TMEM74: variants seen among roughly 807,000 people sequenced by gnomAD.
TMEM74 encodes the protein transmembrane protein 74.
TMEM74 carries 13 observed loss-of-function variants against 18.1 expected under a neutral mutation model. The ratio of observed to expected loss-of-function variants is 0.72; its 90% CI spans 0.47 to 1.14. The LOEUF is 1.14. TMEM74 is among the 50% of genes most tolerant of loss of function. The pLI, the probability that TMEM74 is intolerant of heterozygous loss-of-function variation, is 0.00. For synonymous variants in TMEM74, 159 were observed against 146.6 expected (o/e 1.08, Z -0.61); for missense variants, 372 against 375.9 (o/e 0.99, Z 0.09).
intron 1 of TMEM74, among the ~76,000 whole-genome samples, chr8:108,754,709 A>G (rs1373557139): frequency 6.6e-6 from 1 of 151,832 alleles, no homozygotes; most frequent in Non-Finnish European, 1.5e-5. Context: ...ACAGAGATTT[A>G]TTATGAGAAA....
chr8:108,657,859 A>AAAAAAAAAAATATAT (rs1554630268), intron 1 of TMEM74, among the ~76,000 whole-genome samples: 1 of 49,878 alleles, frequency 2.0e-5, no homozygotes, highest in African/African-American at 8.1e-5. Flanking sequence ...AAAAAAAAAA[A>AAAAAAAAAAATATAT]ATATATATAT....
intron 1 of TMEM74, among the ~76,000 whole-genome samples, chr8:108,773,721 A>G (rs1044841943): frequency 1.3e-4 from 20 of 152,172 alleles, no homozygotes; most frequent in African/African-American, 2.2e-4. Context: ...AGGTCCAAGT[A>G]GTAAGGAATC....
At chr8:108,648,418 C>A (rs563438345) in intron 2 of TMEM74, among the ~76,000 whole-genome samples, 1 of 152,208 alleles carries the variant, frequency 6.6e-6, no homozygotes, top group African/African-American at 2.4e-5. Flanking sequence ...GCTGTCTGTG[C>A]GAGGCAAAAT....
At chr8:108,687,209 T>C (rs974610444) in intron 1 of TMEM74, among the ~76,000 whole-genome samples, 7 of 152,050 alleles carry the variant, frequency 4.6e-5, no homozygotes, top group African/African-American at 7.2e-5. Context: ...AGAGATTATT[T>C]TGACAATGTG....
intron 2 of TMEM74, among the ~76,000 whole-genome samples, chr8:108,636,924 T>G (rs1393835739): frequency 6.6e-6 from 1 of 152,092 alleles, no homozygotes; most frequent in Non-Finnish European, 1.5e-5. Flanking sequence ...AGCTACTATG[T>G]GTTGACCATG....
intron 1 of TMEM74, among the ~76,000 whole-genome samples, chr8:108,758,920 AC>A (rs1177656308): frequency 1.3e-5 from 2 of 152,056 alleles, no homozygotes; most frequent in Non-Finnish European, 2.9e-5. Context: ...CAGGAATAAA[AC>A]GTGATTTTTA....
chr8:108,776,108 C>A (rs1401580022), downstream of TMEM74, among the ~76,000 whole-genome samples: 3 of 152,204 alleles, frequency 2.0e-5, no homozygotes, highest in African/African-American at 7.2e-5. Flanking sequence ...TTGATAGAAT[C>A]TTTTAAGTTT....
intron 2 of TMEM74, among the ~76,000 whole-genome samples, chr8:108,609,366 G>T (rs1812311332): frequency 6.6e-6 from 1 of 152,166 alleles, no homozygotes; most frequent in African/African-American, 2.4e-5. Flanking sequence ...AAATATTCAG[G>T]GCTGGGTGTG....
intron 1 of TMEM74, among the ~76,000 whole-genome samples, chr8:108,725,985 C>T (rs1024780477): frequency 3.3e-5 from 5 of 151,870 alleles, no homozygotes; most frequent in African/African-American, 1.2e-4. Flanking sequence ...TTTTGTATAC[C>T]ATGTGAGAAC....
At chr8:108,732,090 C>T (rs1813701142) in intron 1 of TMEM74, among the ~76,000 whole-genome samples, 1 of 152,094 alleles carries the variant, frequency 6.6e-6, no homozygotes, top group Non-Finnish European at 1.5e-5. Flanking sequence ...TAAGACACAC[C>T]AATACTTCCT....
At chr8:108,699,848 T>C (rs1049026014) in intron 1 of TMEM74, among the ~76,000 whole-genome samples, 1 of 152,202 alleles carries the variant, frequency 6.6e-6, no homozygotes, top group Non-Finnish European at 1.5e-5. Context: ...TCTATATAGC[T>C]TATTAATTGA....
At chr8:108,758,891 A>G (rs1218281566) in intron 1 of TMEM74, among the ~76,000 whole-genome samples, 4 of 152,060 alleles carry the variant, frequency 2.6e-5, no homozygotes. Context: ...TCAAAGCTAT[A>G]TAGATAAAGG....
At chr8:108,614,528 G>A (rs1184581354) in intron 2 of TMEM74, among the ~76,000 whole-genome samples, 3 of 152,142 alleles carry the variant, frequency 2.0e-5, no homozygotes, top group South Asian at 2.1e-4. Context: ...TAGAATATTC[G>A]ACTGTGAAAA....
chr8:108,628,212 C>A lies in TMEM74; in HGVS notation n.265-19386G>T, dbSNP rs762004309. On this transcript the variant is annotated intron_variant and non_coding_transcript_variant, in intron 2 of 3. Coordinates refer to the TMEM74 transcript ENST00000518838. ...CTATAATGGAAGTTGACCTAAGTTG[C>A]AATAATCTGGTTAGAGGCTATAGAG... Among the ~76,000 whole-genome samples the A allele has an allele frequency of 4.6e-5, 7 of 151,974 alleles. No homozygotes were observed. In the East Asian group the frequency reaches 1.4e-3, roughly 29 times the overall value.
At chr8:108,630,901 A>C (rs1231030479) in intron 2 of TMEM74, among the ~76,000 whole-genome samples, 3 of 151,980 alleles carry the variant, frequency 2.0e-5, no homozygotes, top group Non-Finnish European at 4.4e-5. Context: ...AGTCTACCCC[A>C]GCAGTTCAGG....
intron 1 of TMEM74, among the ~76,000 whole-genome samples, chr8:108,704,612 T>C (rs1362870186): frequency 6.6e-6 from 1 of 152,248 alleles, no homozygotes. Context: ...CTTTGTGTTA[T>C]ATGTTGTGAA....
intron 1 of TMEM74, among the ~76,000 whole-genome samples, chr8:108,683,975 A>G (rs933430742): frequency 2.2e-4 from 33 of 152,076 alleles, no homozygotes; most frequent in Non-Finnish European, 2.9e-4. Flanking sequence ...GTGTATATAT[A>G]CACCACATTT....
At chr8:108,609,939 C>G (rs1306401788) in intron 2 of TMEM74, among the ~76,000 whole-genome samples, 1 of 151,976 alleles carries the variant, frequency 6.6e-6, no homozygotes, top group African/African-American at 2.4e-5. Context: ...TAGGGTATAC[C>G]CTAACACAGA....
At chr8:108,674,694 C>T (rs1301807911) in intron 1 of TMEM74, among the ~76,000 whole-genome samples, 2 of 152,162 alleles carry the variant, frequency 1.3e-5, no homozygotes, top group Non-Finnish European at 2.9e-5. Context: ...ACCAAAAATA[C>T]TTGTAGTTGT....
Sources: gnomAD v4.1 joint callset for allele counts (sites outside exome capture counted in the v4.1 genomes callset) on GRCh38, gnomAD v4.1.1 for gene constraint, MANE v1.5 for transcripts, NCBI Gene and HGNC (gene_info 2026-07-23, HGNC 2026-07-21) for gene names.